RUNX1: variants seen among roughly 807,000 people sequenced by gnomAD.
RUNX1 encodes RUNX family transcription factor 1.
RUNX1 carries 19 observed loss-of-function variants against 42.8 expected under a neutral mutation model. The ratio of observed to expected loss-of-function variants is 0.44; its 90% confidence interval spans 0.31 to 0.65. The LOEUF (loss-of-function observed/expected upper bound fraction) is 0.65. Among genes scored for constraint, RUNX1 ranks in the 30% least tolerant of loss-of-function variants. The pLI is 0.07. For missense variants in RUNX1, 528 were observed against 672.0 expected (o/e 0.79, Z 2.37); for synonymous variants, 271 against 289.4 (o/e 0.94, Z 0.64).
At chr21:34,800,749 A>C (rs1344594788) in intron 7 of RUNX1, among the ~76,000 whole-genome samples, 1 of 152,156 alleles carries the variant, frequency 6.6e-6, no homozygotes, top group Non-Finnish European at 1.5e-5. Context: ...TATTCTCCTG[A>C]CAGCCTCCCT....
In RUNX1 at chr21:34,907,722, C is replaced by T. The variant is rs1172012623; in HGVS notation, c.59-14759G>A. Among the ~76,000 whole-genome samples the T allele has an allele frequency of 6.6e-6, 1 of 152,102 alleles. No homozygotes were observed. Among genetic ancestry groups the T allele is most frequent in the East Asian group, 1.9e-4 (1 of 5,192 alleles). On this transcript the variant is annotated intron_variant, in intron 2 of 8. Coordinates refer to ENST00000675419, the MANE Select transcript of RUNX1 (RefSeq NM_001754.5). This position sits in a 1 kb window ranked among gnomAD's most constrained non-coding sequence, Gnocchi z 5.3. ...AATCATAACTGCCGAAGTGCCTTGT[C>T]AAGCTAAACAGTCATGAGAGGTGAA...
chr21:34,813,048 A>T (rs1003775771), intron 7 of RUNX1, among the ~76,000 whole-genome samples: 9 of 152,190 alleles, frequency 5.9e-5, no homozygotes, highest in African/African-American at 1.9e-4. Context: ...TGACTAGAAG[A>T]TCCTTGTGAA....
At chr21:34,829,859 G>C (rs1316951719) in intron 7 of RUNX1, 1 of 152,198 alleles carries the variant, frequency 6.6e-6, no homozygotes, top group African/African-American at 2.4e-5. Context: ...TACCTCCAAG[G>C]CTGGAAAGAG....
chr21:34,936,913 G>C (rs2058490140), intron 2 of RUNX1, among the ~76,000 whole-genome samples: 1 of 151,904 alleles, frequency 6.6e-6, no homozygotes, highest in Admixed American at 6.6e-5. Flanking sequence ...TGGGAAAAGG[G>C]GTTAATTTGA....
At chr21:35,007,270 C>A (rs888645701) in intron 2 of RUNX1, among the ~76,000 whole-genome samples, 1 of 152,182 alleles carries the variant, frequency 6.6e-6, no homozygotes, top group Non-Finnish European at 1.5e-5. Flanking sequence ...TTCTATTCTG[C>A]GGGGCAGGGC....
chr21:34,889,185 C>T (rs1355707609), intron 3 of RUNX1, among the ~76,000 whole-genome samples: 1 of 151,762 alleles, frequency 6.6e-6, no homozygotes, highest in Non-Finnish European at 1.5e-5. Flanking sequence ...CCAGATCCTG[C>T]GCGGCCGCCC....
intron 2 of RUNX1, among the ~76,000 whole-genome samples, chr21:34,924,975 C>G (rs1393539498): frequency 6.6e-6 from 1 of 150,732 alleles, no homozygotes; most frequent in African/African-American, 2.5e-5. Context: ...ATTTCATCAT[C>G]ATGACCTAAT....
At chr21:34,977,358 A>T (rs1399213279) in intron 2 of RUNX1, among the ~76,000 whole-genome samples, 1 of 152,190 alleles carries the variant, frequency 6.6e-6, no homozygotes. Flanking sequence ...AGAGGAAAAA[A>T]CTTACTGCTT....
At chr21:34,910,266 T>C (rs2058261591) in intron 2 of RUNX1, among the ~76,000 whole-genome samples, 1 of 152,194 alleles carries the variant, frequency 6.6e-6, no homozygotes, top group Non-Finnish European at 1.5e-5. Flanking sequence ...CAACTTCTCT[T>C]GCTTTCTCCA....
chr21:34,812,542 T>C (rs2056771370), intron 7 of RUNX1, among the ~76,000 whole-genome samples: 1 of 152,166 alleles, frequency 6.6e-6, no homozygotes, highest in African/African-American at 2.4e-5. Flanking sequence ...GAAAGGCAAA[T>C]GGAAATCTGC....
chr21:34,792,019 G>C lies in RUNX1; in HGVS notation c.*116C>G. 1.6e-6 allele frequency: 1 copy of C among 627,354 alleles called. No individual in the cohort carries two copies. The highest frequency in any genetic ancestry group is 2.5e-6 in the Non-Finnish European group (1 of 405,256). 38.9% of individuals were successfully genotyped at this position (627,354 alleles called of 1,614,324 possible). On this transcript the variant is annotated 3_prime_UTR_variant, in exon 9 of 9. Transcript: ENST00000675419. The surrounding 1 kb of genome is among the most constrained non-coding windows in gnomAD (Gnocchi z 6.9). ...GGCCGTCGGGCGCCCTCGGCCCCAG[G>C]ACGGTGGCCGGGCCCAGGGCCCGGG... is the stretch of plus-strand genomic sequence containing the variant.
chr21:34,833,735 A>G, intron 7 of RUNX1: 1 of 169,132 alleles, frequency 5.9e-6, no homozygotes, highest in East Asian at 1.5e-4. Context: ...GCAAACAGTC[A>G]TTGACGTCAC....
intron 2 of RUNX1, among the ~76,000 whole-genome samples, chr21:34,985,574 C>T (rs1251361261): frequency 6.6e-6 from 1 of 152,190 alleles, no homozygotes; most frequent in African/African-American, 2.4e-5. Context: ...AACCACACAC[C>T]AATCCCTATA....
intron 5 of RUNX1, among the ~76,000 whole-genome samples, chr21:34,860,377 A>G (rs1486587183): frequency 6.6e-6 from 1 of 152,224 alleles, no homozygotes; most frequent in Non-Finnish European, 1.5e-5. Context: ...AAGTCACTAG[A>G]CACCTCTATG....
chr21:34,937,065 A>C, intron 2 of RUNX1, among the ~76,000 whole-genome samples: 1 of 152,170 alleles, frequency 6.6e-6, no homozygotes, highest in East Asian at 1.9e-4. Flanking sequence ...CTCCCTACAC[A>C]GACAGAGGCC....
At position 34,886,945 on chromosome 21, in the gene RUNX1, G is replaced by C. The variant is rs751280667; in HGVS notation, c.249C>G (p.Ala83=). 8 of 1,612,732 alleles carry C rather than the reference G, an allele frequency of 5.0e-6. No individual in the cohort carries two copies. The South Asian group carries it at 5.5e-5, about 11-fold the overall frequency. The part of the protein sequence containing the change: ...SGDRSMVEVL[A]DHPGELVRTD... The stretch of plus-strand genomic sequence containing the variant: ...TGCGCACCAGCTCGCCCGGGTGGTC[G>C]GCCAGCACCTCCACCATGCTGCGGT... Residue 83 remains alanine (A), a synonymous_variant, in exon 4 of 9, where the codon GCC becomes GCG. Coordinates refer to ENST00000675419, the MANE Select transcript of RUNX1 (RefSeq NM_001754.5).
intron 2 of RUNX1, among the ~76,000 whole-genome samples, chr21:34,999,304 C>T (rs1056454317): frequency 2.6e-5 from 4 of 152,196 alleles, no homozygotes; most frequent in Non-Finnish European, 5.9e-5. Flanking sequence ...TAACAGGCTG[C>T]CTTTTCTCCA....
intron 2 of RUNX1, among the ~76,000 whole-genome samples, chr21:34,932,523 T>C (rs1248566721): frequency 6.6e-6 from 1 of 152,210 alleles, no homozygotes; most frequent in Admixed American, 6.5e-5. Flanking sequence ...TAGAAAACCA[T>C]GCCGGTGATC....
intron 7 of RUNX1, chr21:34,833,876 T>C (rs780296165): frequency 4.0e-4 from 101 of 250,364 alleles, no homozygotes; most frequent in South Asian, 7.7e-4. Flanking sequence ...GCATTCTCTA[T>C]TGATTTGCAA....
Sources: gnomAD v4.1 joint callset for allele counts (sites outside exome capture counted in the v4.1 genomes callset) on GRCh38, gnomAD v4.1.1 for gene constraint, Gnocchi (gnomAD v3.1) non-coding constraint, MANE v1.5 for transcripts, NCBI Gene and HGNC (gene_info 2026-07-23, HGNC 2026-07-21) for gene names.